Variants in EYS observed in about 807,000 individuals in gnomAD.
EYS encodes the protein protein eyes shut homolog.
EYS carries 250 observed loss-of-function variants against 282.1 expected under a neutral mutation model. That is an observed-to-expected ratio of 0.89 (90% CI 0.80 to 0.98). EYS has a LOEUF of 0.98. EYS is among the 50% of genes least tolerant of loss of function. The probability of loss-of-function intolerance (pLI) is 0.00; values close to 1 mark genes in which losing one functional copy is unlikely to be tolerated. For synonymous variants in EYS, 1,355 were observed against 1,282.9 expected (o/e 1.06, Z -1.20); for missense variants, 4,016 against 3,709.0 (o/e 1.08, Z -2.15).
rs147151498 is a variant in EYS at position 64,464,351 on chromosome 6, A to G, written c.5645-24999T>C. Reference sequence around the variant, plus strand: ...AACCTACAGCTAATATCAGAATGTGAAAAGTTATAAGCTCTCACATTCACA... The same window carrying G: ...AACCTACAGCTAATATCAGAATGTGGAAAGTTATAAGCTCTCACATTCACA... On this transcript the variant is annotated intron_variant, in intron 26 of 42. Transcript: ENST00000503581. Among the ~76,000 whole-genome samples the G allele has an allele frequency of 4.4e-3, 666 of 152,282 alleles. 5 individuals are homozygous for G. Among genetic ancestry groups the G allele is most frequent in the African/African-American group, 0.015 (619 of 41,570 alleles).
intron 22 of EYS, among the ~76,000 whole-genome samples, chr6:64,744,454 T>C (rs1417606351): frequency 6.6e-6 from 1 of 152,146 alleles, no homozygotes; most frequent in Non-Finnish European, 1.5e-5. Context: ...TCTAGACATT[T>C]TCTAAGACTC....
At position 65,238,713 on chromosome 6, in the gene EYS, G is replaced by A. The variant is rs548246651; in HGVS notation, c.2023+57150C>T. Among the ~76,000 whole-genome samples, 4 of 152,042 alleles carry A rather than the reference G, an allele frequency of 2.6e-5. No individual in the cohort carries two copies. In the East Asian group the frequency reaches 7.7e-4, roughly 29 times the overall value. ...CCTCTCAAAAGAAAATTAAAATTCA[G>A]AGCAAAACCTTTCCATATATTGCTG... On this transcript the variant is annotated intron_variant, in intron 12 of 42. Coordinates refer to ENST00000503581, the MANE Select transcript of EYS (RefSeq NM_001142800.2).
At chr6:64,346,985 G>T (rs1241001219) in intron 29 of EYS, among the ~76,000 whole-genome samples, 1 of 151,348 alleles carries the variant, frequency 6.6e-6, no homozygotes, top group Non-Finnish European at 1.5e-5. Context: ...TAATGACAAT[G>T]CAGTAGCAAG....
intron 11 of EYS, among the ~76,000 whole-genome samples, chr6:65,305,458 G>T (rs1768979493): frequency 6.6e-6 from 1 of 152,182 alleles, no homozygotes. Context: ...TCTTTTTAAA[G>T]GTATTTAGAG....
intron 29 of EYS, among the ~76,000 whole-genome samples, chr6:64,366,726 GA>G (rs768529231): frequency 6.6e-6 from 1 of 151,812 alleles, no homozygotes; most frequent in Non-Finnish European, 1.5e-5. Flanking sequence ...TCTACTGGCA[GA>G]AAAAAAATTA....
rs1773452395 is a variant in EYS at position 65,057,553 on chromosome 6, G to C, written c.2137+61C>G. On this transcript the variant is annotated intron_variant, in intron 13 of 42. Transcript: ENST00000503581. ...AAGACTGAAATGAGTTCAGACAAGAGACAGAAGTGCTTTTTAAAGTTAATT... is the reference window on the plus strand; with the variant it reads ...AAGACTGAAATGAGTTCAGACAAGACACAGAAGTGCTTTTTAAAGTTAATT... 9.0e-6 allele frequency: 9 copies of C among 997,226 alleles called. No homozygotes were observed. The South Asian group carries it at 1.2e-4, about 14-fold the overall frequency. 61.8% of individuals were successfully genotyped at this position (997,226 alleles called of 1,614,324 possible). A position where few individuals can be genotyped will look rare whatever the true frequency, so the allele number is the denominator to read the frequency against.
intron 19 of EYS, among the ~76,000 whole-genome samples, chr6:64,879,431 A>T (rs1199661480): frequency 1.3e-5 from 2 of 151,110 alleles, no homozygotes; most frequent in African/African-American, 4.9e-5. Flanking sequence ...TAAACAAGAA[A>T]ATAGCACATA....
chr6:65,461,109 C>T (rs987959988), intron 5 of EYS, among the ~76,000 whole-genome samples: 1 of 151,964 alleles, frequency 6.6e-6, no homozygotes, highest in Non-Finnish European at 1.5e-5. Context: ...GATCAAATGC[C>T]ATATATAGTT....
intron 12 of EYS, among the ~76,000 whole-genome samples, chr6:65,292,651 T>C (rs916519755): frequency 5.9e-5 from 9 of 151,728 alleles, no homozygotes; most frequent in African/African-American, 2.2e-4. Context: ...AGGAATATAG[T>C]ACAACAGTGA....
At chr6:64,749,878 C>A (rs1045768427) in intron 22 of EYS, among the ~76,000 whole-genome samples, 2 of 151,640 alleles carry the variant, frequency 1.3e-5, no homozygotes, top group Non-Finnish European at 2.9e-5. Context: ...GAGGCTAGTA[C>A]GTAATATATA....
intron 35 of EYS, among the ~76,000 whole-genome samples, chr6:63,894,432 A>G (rs1773482876): frequency 6.6e-6 from 1 of 152,186 alleles, no homozygotes; most frequent in Admixed American, 6.5e-5. Context: ...AACACTGAGG[A>G]TGCCAGCAGC....
At chr6:65,700,932 A>G (rs1769652274) in intron 1 of EYS, among the ~76,000 whole-genome samples, 1 of 152,176 alleles carries the variant, frequency 6.6e-6, no homozygotes, top group African/African-American at 2.4e-5. Flanking sequence ...TTGGGGACCA[A>G]TCTATGTCAC....
At chr6:64,168,660 T>G (rs1477258391) in intron 31 of EYS, among the ~76,000 whole-genome samples, 1 of 152,140 alleles carries the variant, frequency 6.6e-6, no homozygotes, top group Non-Finnish European at 1.5e-5. Context: ...ATACCACATA[T>G]TGTACAATTC....
intron 30 of EYS, among the ~76,000 whole-genome samples, chr6:64,280,098 G>A (rs559079441): frequency 2.3e-4 from 35 of 152,160 alleles, no homozygotes; most frequent in African/African-American, 7.9e-4. Context: ...GCTCTCTCAC[G>A]TATAAATTAC....
chr6:63,771,344 C>T (rs1216425514), intron 40 of EYS, among the ~76,000 whole-genome samples: 1 of 152,182 alleles, frequency 6.6e-6, no homozygotes, highest in Non-Finnish European at 1.5e-5. Context: ...CATGTATTTA[C>T]TGCAGTGGTG....
At chr6:65,472,969 G>T (rs1765270687) in intron 5 of EYS, among the ~76,000 whole-genome samples, 1 of 151,736 alleles carries the variant, frequency 6.6e-6, no homozygotes, top group African/African-American at 2.4e-5. Flanking sequence ...TTAATGAAAT[G>T]AAACAATTTA....
At chr6:65,519,714 T>A (rs1364380817) in intron 2 of EYS, among the ~76,000 whole-genome samples, 1,068 of 58,528 alleles carry the variant, frequency 0.018, 17 homozygotes, top group African/African-American at 0.055. Context: ...ATATATTTTT[T>A]TTTTTTTTTT....
At chr6:64,157,267 C>T (rs1774959626) in intron 31 of EYS, among the ~76,000 whole-genome samples, 1 of 152,020 alleles carries the variant, frequency 6.6e-6, no homozygotes. Flanking sequence ...TGTATATGTT[C>T]CACATTTTCT....
At chr6:65,142,355 TAC>T (rs2150209673) in intron 12 of EYS, among the ~76,000 whole-genome samples, 1 of 152,048 alleles carries the variant, frequency 6.6e-6, no homozygotes, top group South Asian at 2.1e-4. Flanking sequence ...AAAAAGAAGT[TAC>T]AGTTTCAACA....
Sources: gnomAD v4.1 joint callset for allele counts (sites outside exome capture counted in the v4.1 genomes callset) on GRCh38, gnomAD v4.1.1 for gene constraint, MANE v1.5 for transcripts, NCBI Gene and HGNC (gene_info 2026-07-23, HGNC 2026-07-21) for gene names.